Variants in CPEB1 observed in about 807,000 individuals in gnomAD.
The protein encoded by CPEB1 is cytoplasmic polyadenylation element-binding protein 1.
In CPEB1, 7 loss-of-function variants were observed where a neutral mutation model predicts 65.8. That is an observed-to-expected ratio of 0.11 (90% CI 0.06 to 0.20). The LOEUF (loss-of-function observed/expected upper bound fraction) is 0.20, where lower values mean the gene tolerates loss of function less well. CPEB1 is among the 10% of genes least tolerant of loss of function. The pLI, the probability that CPEB1 is intolerant of heterozygous loss-of-function variation, is 1.00. For missense variants in CPEB1, 551 were observed against 712.2 expected, an observed-to-expected ratio of 0.77 and a Z score of 2.58; for synonymous variants, 262 against 260.0, an observed-to-expected ratio of 1.01 and a Z score of -0.08.
At chr15:82,633,202 G>A (rs1256544842) in intron 1 of CPEB1, 2 of 152,020 alleles carry the variant, frequency 1.3e-5, no homozygotes, top group African/African-American at 4.8e-5. Context: ...GGAGTCAACA[G>A]GAAGAATTAC....
intron 11 of CPEB1, 55 bp from the exon 12 acceptor site, chr15:82,546,576 T>A: frequency 7.5e-7 from 1 of 1,325,174 alleles, no homozygotes; most frequent in Admixed American, 1.7e-5. Context: ...GGAGGCTCGA[T>A]AGGCGATAGA....
chr15:82,598,549 C>T (rs576365869), intron 3 of CPEB1, among the ~76,000 whole-genome samples: 103 of 152,090 alleles, frequency 6.8e-4, no homozygotes, highest in African/African-American at 2.1e-3. Flanking sequence ...TTTTGGGAGG[C>T]GGAGGTGGGT....
intron 3 of CPEB1, among the ~76,000 whole-genome samples, chr15:82,607,454 G>A (rs1021057427): frequency 6.6e-6 from 1 of 151,710 alleles, no homozygotes; most frequent in Non-Finnish European, 1.5e-5. Flanking sequence ...CAGGTGTGGT[G>A]GTGTGTGCCT....
At chr15:82,576,051 C>A (rs770110020) in intron 3 of CPEB1, among the ~76,000 whole-genome samples, 10 of 152,182 alleles carry the variant, frequency 6.6e-5, no homozygotes, top group Non-Finnish European at 1.2e-4. Flanking sequence ...CAGCTTTATT[C>A]ATAATCACCC....
chr15:82,582,079 A>G (rs2041333944), intron 3 of CPEB1, among the ~76,000 whole-genome samples: 1 of 152,224 alleles, frequency 6.6e-6, no homozygotes, highest in Non-Finnish European at 1.5e-5. Flanking sequence ...CAACTCTGCA[A>G]AAGGAGATAA....
In CPEB1 at chr15:82,543,788, C is replaced by T. The variant is rs1436739938; in HGVS notation, c.*804G>A. On this transcript the variant is annotated 3_prime_UTR_variant, in exon 13 of 13. Coordinates refer to ENST00000684509, the MANE Select transcript of CPEB1 (RefSeq NM_001365242.1). ...CTATATACAGCAGCCGCTCAAACAC[C>T]GTTTATCCGGTCCAGTTTCAAATAA... The T allele has an allele frequency of 2.0e-5, 3 of 152,292 alleles. No homozygotes were observed. Among genetic ancestry groups the T allele is most frequent in the Non-Finnish European group, 4.4e-5 (3 of 68,014 alleles). 9.4% of individuals were successfully genotyped at this position (152,292 alleles called of 1,614,324 possible).
At chr15:82,635,980 T>C (rs1427575710) in intron 1 of CPEB1, among the ~76,000 whole-genome samples, 1 of 152,016 alleles carries the variant, frequency 6.6e-6, no homozygotes, top group African/African-American at 2.4e-5. Context: ...AAGCTACAGG[T>C]CCTAACCTCC....
At chr15:82,636,160 T>A (rs2046642223) in intron 1 of CPEB1, among the ~76,000 whole-genome samples, 1 of 152,164 alleles carries the variant, frequency 6.6e-6, no homozygotes, top group Non-Finnish European at 1.5e-5. Flanking sequence ...TCCTCCCAAT[T>A]CATTGCCAAT....
chr15:82,588,653 T>C (rs2041990394), intron 3 of CPEB1, among the ~76,000 whole-genome samples: 1 of 152,210 alleles, frequency 6.6e-6, no homozygotes, highest in Non-Finnish European at 1.5e-5. Context: ...ACATTGATCT[T>C]GACTTACTTG....
intron 1 of CPEB1, among the ~76,000 whole-genome samples, chr15:82,635,673 C>T (rs2046599784): frequency 6.9e-6 from 1 of 144,574 alleles, no homozygotes; most frequent in Admixed American, 6.8e-5. Flanking sequence ...AAACATACTC[C>T]TTGCCCTCAG....
intron 3 of CPEB1, among the ~76,000 whole-genome samples, chr15:82,581,528 CT>C (rs1421933585): frequency 6.6e-6 from 1 of 152,192 alleles, no homozygotes; most frequent in African/African-American, 2.4e-5. Context: ...GCACCACACT[CT>C]TTTCCCCAGC....
intron 1 of CPEB1, among the ~76,000 whole-genome samples, chr15:82,635,532 A>G: frequency 6.6e-6 from 1 of 152,348 alleles, no homozygotes; most frequent in East Asian, 1.9e-4. Context: ...AGGTTGGTCC[A>G]TATGAAATTG....
intron 3 of CPEB1, among the ~76,000 whole-genome samples, chr15:82,574,568 A>T (rs1248063522): frequency 6.6e-6 from 1 of 151,776 alleles, no homozygotes; most frequent in Non-Finnish European, 1.5e-5. Flanking sequence ...AAATACAAAA[A>T]ACATTAGCCA....
At chr15:82,595,809 G>A (rs749232996) in intron 3 of CPEB1, among the ~76,000 whole-genome samples, 11 of 152,146 alleles carry the variant, frequency 7.2e-5, no homozygotes, top group Non-Finnish European at 1.6e-4. Context: ...ACTGCTATTT[G>A]GCAACCTCTA....
chr15:82,627,755 G>A (rs2045895198), intron 2 of CPEB1, among the ~76,000 whole-genome samples: 2 of 152,128 alleles, frequency 1.3e-5, no homozygotes, highest in Non-Finnish European at 2.9e-5. Context: ...CCAGTCTTTT[G>A]GTTGTACAAC....
At chr15:82,617,106 G>A in intron 3 of CPEB1, among the ~76,000 whole-genome samples, 1 of 152,166 alleles carries the variant, frequency 6.6e-6, no homozygotes, top group Admixed American at 6.5e-5. Context: ...CGATCTCCCT[G>A]CTGTCACTGG....
chr15:82,598,988 A>C (rs2042889240), intron 3 of CPEB1, among the ~76,000 whole-genome samples: 1 of 152,190 alleles, frequency 6.6e-6, no homozygotes, highest in Non-Finnish European at 1.5e-5. Flanking sequence ...TATCTGAGGA[A>C]ATGAAGGATA....
At chr15:82,597,309 A>C (rs964333729) in intron 3 of CPEB1, among the ~76,000 whole-genome samples, 2 of 152,218 alleles carry the variant, frequency 1.3e-5, no homozygotes, top group African/African-American at 4.8e-5. Context: ...TTAAGGAATC[A>C]GAGAGACTGA....
rs1378200854 is a variant in CPEB1, at chr15:82,549,647, G to T, written c.1293C>A (p.Ile431=). 6.2e-7 allele frequency: 1 copy of T among 1,614,132 alleles called. No individual in the cohort carries two copies. The highest frequency in any genetic ancestry group is 1.7e-5 in the Admixed American group (1 of 60,016). Residue 431 remains isoleucine, a synonymous_variant, in exon 10 of 13, where the codon ATC becomes ATA. Transcript: ENST00000684509. Reference sequence around the variant, plus strand: ...AGTTACTGTCGGCTAATACCCAGGGGATCACCTGCACCTGAAAACCACCCA... The same window carrying T: ...AGTTACTGTCGGCTAATACCCAGGGTATCACCTGCACCTGAAAACCACCCA... ...RRMRCKEVQV[I]PWVLADSNFV... is the part of the protein sequence containing the mutation.
Sources: allele counts gnomAD v4.1 joint callset (sites outside exome capture counted in the v4.1 genomes callset), GRCh38; gene constraint gnomAD v4.1.1; transcripts MANE v1.5; gene names NCBI Gene and HGNC (gene_info 2026-07-23, HGNC 2026-07-21).